The following MDFIC variants were observed in gnomAD, a reference collection of about 807,000 sequenced individuals.
MDFIC encodes the protein myoD family inhibitor domain-containing protein.
A neutral mutation model predicts 23.2 loss-of-function variants in MDFIC; 17 were observed. That is an observed-to-expected ratio of 0.73 (90% CI 0.50 to 1.10). The LOEUF (loss-of-function observed/expected upper bound fraction) is 1.10, where lower values mean the gene tolerates loss of function less well. Ranked by LOEUF, MDFIC falls within the 50% of genes least tolerant of loss-of-function variation. The pLI is 0.00. For synonymous variants in MDFIC, 120 were observed against 115.2 expected (o/e 1.04, Z -0.27); for missense variants, 356 against 316.6 (o/e 1.12, Z -0.95).
chr7:114,931,464 G>A (rs1792307493), intron 2 of MDFIC, among the ~76,000 whole-genome samples: 1 of 152,100 alleles, frequency 6.6e-6, no homozygotes, highest in Non-Finnish European at 1.5e-5. Flanking sequence ...AGATTTGAAG[G>A]GGAAAACCCT....
chr7:115,001,315 C>A (rs1253784722), intron 4 of MDFIC, among the ~76,000 whole-genome samples: 1 of 152,082 alleles, frequency 6.6e-6, no homozygotes, highest in Non-Finnish European at 1.5e-5. Context: ...TTAAACCTGC[C>A]TAAATTTCCA....
At position 114,966,533 on chromosome 7, in the gene MDFIC, G is replaced by A. The variant is rs1331036365; in HGVS notation, c.218-12973G>A. 3.9e-5 allele frequency among the ~76,000 whole-genome samples: 6 copies of A among 152,182 alleles called. No homozygotes were observed. In the East Asian group the frequency reaches 9.6e-4, roughly 24 times the overall value. ...GAAGCACCAACCTGCACTTCGGGCT[G>A]ATGAGTACTAGTGGAAGGCGTCATC... On this transcript the variant is annotated intron_variant, in intron 3 of 4. Coordinates refer to ENST00000393486, the MANE Select transcript of MDFIC (RefSeq NM_001166345.3).
chr7:114,999,194 A>C (rs879457140), intron 4 of MDFIC, among the ~76,000 whole-genome samples: 1 of 152,200 alleles, frequency 6.6e-6, no homozygotes, highest in African/African-American at 2.4e-5. Flanking sequence ...GGCAGTGATT[A>C]ATGACACTTT....
chr7:114,993,302 G>T (rs915366085), intron 4 of MDFIC, among the ~76,000 whole-genome samples: 1 of 152,072 alleles, frequency 6.6e-6, no homozygotes, highest in African/African-American at 2.4e-5. Context: ...CAAAAAACCA[G>T]CTCCTGGATT....
Position 115,015,868 on chromosome 7 carries a change from C to T in MDFIC, c.674C>T (p.Ala225Val). 1 of 1,614,068 alleles carries T rather than the reference C, an allele frequency of 6.2e-7. No individual in the cohort carries two copies. The highest frequency in any genetic ancestry group is 8.5e-7 in the Non-Finnish European group (1 of 1,179,980). ...PCDMDCGIMD[A>V]CCESSDCLEI... ...GATATGGACTGTGGCATCATGGATG[C>T]CTGTTGTGAATCATCAGACTGCTTG... is the stretch of plus-strand genomic sequence containing the variant. The change falls in exon 5 of 5, where the codon GCC becomes GTC. Residue 225 changes from alanine (A) to valine (V), a missense_variant. By Grantham distance (64) the Ala-to-Val change is moderately conservative. Coordinates refer to ENST00000393486, the MANE Select transcript of MDFIC (RefSeq NM_001166345.3).
At chr7:114,987,502 GT>G (rs1237267443) in intron 4 of MDFIC, among the ~76,000 whole-genome samples, 1 of 152,074 alleles carries the variant, frequency 6.6e-6, no homozygotes, top group Non-Finnish European at 1.5e-5. Flanking sequence ...ATGATGTTTT[GT>G]TTTGTTATGT....
intron 4 of MDFIC, among the ~76,000 whole-genome samples, chr7:115,011,539 T>G (rs1343644426): frequency 6.6e-6 from 1 of 152,054 alleles, no homozygotes; most frequent in African/African-American, 2.4e-5. Flanking sequence ...AGCAAAGGAG[T>G]GTTGGATCTA....
intron 3 of MDFIC, among the ~76,000 whole-genome samples, chr7:114,969,600 G>A (rs1205668697): frequency 6.6e-6 from 1 of 152,112 alleles, no homozygotes; most frequent in Non-Finnish European, 1.5e-5. Context: ...GTAAATTGAG[G>A]TCCCAGACGC....
At position 114,964,525 on chromosome 7, in the gene MDFIC, A is replaced by ATTTCC. The variant is rs1793058174; in HGVS notation, c.218-14981_218-14980insTTTCC. ...CCTTCCCTTCCCTTTCCTTCCCTTCACTTCCCTTCCCTTCCCTTCCCTTCC... is the reference window on the plus strand; with the variant it reads ...CCTTCCCTTCCCTTTCCTTCCCTTCATTTCCCTTCCCTTCCCTTCCCTTCCCTTCC... On this transcript the variant is annotated intron_variant, in intron 3 of 4. Transcript: ENST00000393486. Among the ~76,000 whole-genome samples, 10 of 96,420 alleles carry ATTTCC rather than the reference A, an allele frequency of 1.0e-4. No individual in the cohort carries two copies. The East Asian group carries it at 3.1e-3, about 30-fold the overall frequency. The allele number at this position is 96,420 out of a possible 152,430, so 63.3% of individuals were successfully genotyped here.
At chr7:114,961,568 A>G (rs1241448023) in intron 3 of MDFIC, among the ~76,000 whole-genome samples, 8 of 152,196 alleles carry the variant, frequency 5.3e-5, no homozygotes, top group African/African-American at 1.7e-4. Context: ...TGGGTAATTT[A>G]TAAAGAAAAG....
intron 2 of MDFIC, among the ~76,000 whole-genome samples, chr7:114,926,514 C>A (rs921729161): frequency 6.6e-6 from 1 of 152,142 alleles, no homozygotes; most frequent in East Asian, 1.9e-4. Flanking sequence ...CCCCAACCCC[C>A]CAAGACATTG....
intron 3 of MDFIC, among the ~76,000 whole-genome samples, chr7:114,950,473 A>G (rs567958457): frequency 3.0e-4 from 46 of 152,296 alleles, no homozygotes; most frequent in Middle Eastern, 3.4e-3. Flanking sequence ...AAGGAAATAA[A>G]GACAAGAAGG....
intron 4 of MDFIC, among the ~76,000 whole-genome samples, chr7:115,003,882 A>G (rs1791514415): frequency 6.6e-6 from 1 of 152,164 alleles, no homozygotes; most frequent in Non-Finnish European, 1.5e-5. Context: ...TGGATATTGG[A>G]TATTCCATCC....
chr7:115,004,090 G>A (rs549687627), intron 4 of MDFIC, among the ~76,000 whole-genome samples: 1 of 152,286 alleles, frequency 6.6e-6, no homozygotes, highest in East Asian at 1.9e-4. Context: ...ATATACTGGT[G>A]ATGAGAACAG....
In MDFIC at chr7:114,979,537, T is replaced by A. The variant is rs368272561; in HGVS notation, c.249T>A (p.Thr83=). 41 of 1,613,998 alleles carry A rather than the reference T, an allele frequency of 2.5e-5. No individual in the cohort carries two copies. Among genetic ancestry groups the A allele is most frequent in the Non-Finnish European group, 3.1e-5 (37 of 1,179,922 alleles). The change falls in exon 4 of 5, where the codon ACT becomes ACA. Residue 83 remains threonine, a synonymous_variant. Coordinates refer to ENST00000393486, the MANE Select transcript of MDFIC (RefSeq NM_001166345.3). Reference sequence around the variant, plus strand: ...CTCAGCGCTTGCCTCAGCTTCAGACTTCAGCCCAGGTGCCAAGTGGTGAGG... The same window carrying A: ...CTCAGCGCTTGCCTCAGCTTCAGACATCAGCCCAGGTGCCAAGTGGTGAGG... ...TQPQRLPQLQ[T]SAQVPSGEEI...
chr7:115,009,136 A>G (rs186640181), intron 4 of MDFIC, among the ~76,000 whole-genome samples: 19 of 152,350 alleles, frequency 1.2e-4, no homozygotes, highest in Admixed American at 4.6e-4. Flanking sequence ...CTCAGCATGT[A>G]GTTTACATGA....
chr7:114,930,689 G>A (rs1792292574), intron 2 of MDFIC, among the ~76,000 whole-genome samples: 1 of 152,086 alleles, frequency 6.6e-6, no homozygotes, highest in Non-Finnish European at 1.5e-5. Context: ...AAAGGTTTGG[G>A]AGTAATGAGG....
chr7:114,940,629 A>G (rs919220079), intron 2 of MDFIC, among the ~76,000 whole-genome samples: 5 of 152,192 alleles, frequency 3.3e-5, no homozygotes, highest in Admixed American at 3.3e-4. Context: ...ATTTCTAGCT[A>G]TAACCTTTTT....
chr7:114,960,793 T>C (rs1792975558), intron 3 of MDFIC, among the ~76,000 whole-genome samples: 1 of 152,152 alleles, frequency 6.6e-6, no homozygotes, highest in Non-Finnish European at 1.5e-5. Flanking sequence ...TAAATGATAG[T>C]AAATTAATAA....
Sources: allele counts gnomAD v4.1 joint callset (sites outside exome capture counted in the v4.1 genomes callset), GRCh38; gene constraint gnomAD v4.1.1; transcripts MANE v1.5; gene names NCBI Gene and HGNC (gene_info 2026-07-23, HGNC 2026-07-21).